The following TNKS variants were observed in gnomAD, a reference collection of about 807,000 sequenced individuals.
The protein encoded by TNKS is poly [ADP-ribose] polymerase tankyrase-1.
Under a neutral mutation model 135.8 loss-of-function variants are expected in TNKS, and 72 were observed. That is an observed-to-expected ratio of 0.53 (90% CI 0.44 to 0.64). The LOEUF (loss-of-function observed/expected upper bound fraction) is 0.64. Among genes scored for constraint, TNKS ranks in the 30% least tolerant of loss-of-function variants. The pLI is 0.00. For synonymous variants in TNKS, 849 were observed against 649.3 expected (o/e 1.31, Z -4.68); for missense variants, 1,769 against 1,674.0 (o/e 1.06, Z -0.99).
intron 5 of TNKS, among the ~76,000 whole-genome samples, chr8:9,694,191 C>A (rs763289015): frequency 2.6e-5 from 4 of 152,144 alleles, no homozygotes; most frequent in Admixed American, 6.5e-5. Flanking sequence ...TTTAAATTCA[C>A]CATGTCGGAT....
chr8:9,564,952 T>G (rs917319842), intron 1 of TNKS, among the ~76,000 whole-genome samples: 2 of 151,804 alleles, frequency 1.3e-5, no homozygotes, highest in Admixed American at 1.3e-4. Context: ...ATGAGTAGGG[T>G]GGGTTTCCTA....
intron 2 of TNKS, among the ~76,000 whole-genome samples, chr8:9,595,702 T>A (rs1485549131): frequency 1.3e-5 from 2 of 151,792 alleles, no homozygotes; most frequent in Non-Finnish European, 2.9e-5. Flanking sequence ...AGAAAAAAAA[T>A]TTTCATATAC....
intron 1 of TNKS, among the ~76,000 whole-genome samples, chr8:9,566,723 C>G (rs1233203760): frequency 6.6e-6 from 1 of 151,072 alleles, no homozygotes; most frequent in Non-Finnish European, 1.5e-5. Context: ...ATTCTCCTGC[C>G]TCAGCCTCCC....
chr8:9,734,814 A>T (rs776132199), intron 15 of TNKS, 51 bp from the exon 16 acceptor site: 102 of 1,481,034 alleles, frequency 6.9e-5, no homozygotes, highest in Non-Finnish European at 9.1e-5. Context: ...CTACCTACCT[A>T]CCTACTTACT....
chr8:9,762,974 T>C (rs749440548), intron 21 of TNKS, among the ~76,000 whole-genome samples, 173 bp from the exon 22 acceptor site: 4 of 151,592 alleles, frequency 2.6e-5, no homozygotes, highest in Non-Finnish European at 5.9e-5. Flanking sequence ...TGTCTGTCTT[T>C]GAGTATATTT....
chr8:9,583,897 G>A (rs1373465337), intron 2 of TNKS, among the ~76,000 whole-genome samples: 1 of 151,744 alleles, frequency 6.6e-6, no homozygotes, highest in East Asian at 1.9e-4. Flanking sequence ...GGGTGCGGTG[G>A]CTCACTCCTG....
chr8:9,631,237 T>G (rs1161107746), intron 3 of TNKS, among the ~76,000 whole-genome samples: 5 of 152,224 alleles, frequency 3.3e-5, no homozygotes, highest in African/African-American at 7.2e-5. Flanking sequence ...CCTCCTGTGC[T>G]TCTGAAGGAC....
intron 5 of TNKS, among the ~76,000 whole-genome samples, chr8:9,688,759 C>T (rs1395066092): frequency 6.6e-6 from 1 of 152,184 alleles, no homozygotes; most frequent in Non-Finnish European, 1.5e-5. Context: ...CCTGCCTCAG[C>T]CTCCTGAGTA....
intron 3 of TNKS, among the ~76,000 whole-genome samples, chr8:9,628,953 A>G (rs11774818): frequency 0.1 from 15,796 of 152,178 alleles, 1,169 homozygotes; most frequent in East Asian, 0.22. Flanking sequence ...TACAAGTCGG[A>G]CTTTATTCTT....
At chr8:9,682,468 T>G (rs911535865) in intron 5 of TNKS, among the ~76,000 whole-genome samples, 2 of 152,168 alleles carry the variant, frequency 1.3e-5, no homozygotes, top group South Asian at 2.1e-4. Flanking sequence ...ACTCATTTAT[T>G]TTTCCTTTTC....
At chr8:9,708,675 G>T (rs200825412) in intron 9 of TNKS, among the ~76,000 whole-genome samples, 183 bp downstream of exon 9, 1 of 152,156 alleles carries the variant, frequency 6.6e-6, no homozygotes, top group East Asian at 1.9e-4. Flanking sequence ...ATGGGTGAGA[G>T]AATTGACATT....
chr8:9,599,954 C>T (rs1242320690), intron 2 of TNKS, among the ~76,000 whole-genome samples: 1 of 152,180 alleles, frequency 6.6e-6, no homozygotes. Context: ...TAGAAGACCT[C>T]TCCCATGTAA....
At chr8:9,576,229 T>G (rs1158531423) in intron 1 of TNKS, among the ~76,000 whole-genome samples, 1 of 152,114 alleles carries the variant, frequency 6.6e-6, no homozygotes, top group African/African-American at 2.4e-5. Context: ...TGAGCAAAAT[T>G]GAGTCTTTCT....
chr8:9,776,016 C>G (rs766094027), intron 26 of TNKS, among the ~76,000 whole-genome samples: 16 of 152,062 alleles, frequency 1.1e-4, no homozygotes, highest in Non-Finnish European at 2.1e-4. Flanking sequence ...CCAAGAAGAA[C>G]TCTTCCCATT....
rs77121880 is a variant in TNKS, at chr8:9,772,335, A to G, written c.3897+2073A>G. 5.7e-3 allele frequency: 2,578 copies of G among 452,884 alleles called. 50 individuals carry two copies. The highest frequency in any genetic ancestry group is 0.043 in the African/African-American group (2,166 of 49,972). 28.1% of individuals were successfully genotyped at this position (452,884 alleles called of 1,614,324 possible). ...CAGATAATCAAAATCAACATCACCA[A>G]TGAGGGACAGATAGGCTTATATTAT... On this transcript the variant is annotated intron_variant, in intron 26 of 26. Transcript: ENST00000310430.
At chr8:9,747,357 C>T (rs1585410653) in intron 17 of TNKS, among the ~76,000 whole-genome samples, 2 of 147,308 alleles carry the variant, frequency 1.4e-5, no homozygotes, top group African/African-American at 5.0e-5. Flanking sequence ...TTCAAAATTT[C>T]TCAGATTTAG....
chr8:9,692,194 G>A (rs1019727227), intron 5 of TNKS, among the ~76,000 whole-genome samples: 1 of 152,102 alleles, frequency 6.6e-6, no homozygotes, highest in Admixed American at 6.5e-5. Flanking sequence ...GTAGCCATCC[G>A]GCCAACTCCC....
chr8:9,772,621 C>T (rs960997128), intron 26 of TNKS, among the ~76,000 whole-genome samples: 1 of 151,998 alleles, frequency 6.6e-6, no homozygotes, highest in African/African-American at 2.4e-5. Flanking sequence ...ATTAGATCAA[C>T]TGACAGAATT....
At chr8:9,614,072 C>T (rs1437320860) in intron 2 of TNKS, among the ~76,000 whole-genome samples, 2 of 152,154 alleles carry the variant, frequency 1.3e-5, no homozygotes, top group Non-Finnish European at 2.9e-5. Context: ...AGATAGTTAT[C>T]AGCTTGCATT....
Sources: gnomAD v4.1 joint callset for allele counts (sites outside exome capture counted in the v4.1 genomes callset) on GRCh38, gnomAD v4.1.1 for gene constraint, MANE v1.5 for transcripts, NCBI Gene and HGNC (gene_info 2026-07-23, HGNC 2026-07-21) for gene names.